The following CYP20A1 variants were observed in gnomAD, a reference collection of about 807,000 sequenced individuals.
The protein encoded by CYP20A1 is cytochrome P450 20A1.
Under a neutral mutation model 61.4 loss-of-function variants are expected in CYP20A1, and 61 were observed. That is an observed-to-expected ratio of 0.99 (90% CI 0.81 to 1.23). CYP20A1 has a LOEUF of 1.23. CYP20A1 is among the 50% of genes most tolerant of loss of function. The pLI is 0.00. For missense variants in CYP20A1, 530 were observed against 542.4 expected (o/e 0.98, Z 0.23); for synonymous variants, 193 against 188.2 (o/e 1.03, Z -0.21).
intron 7 of CYP20A1, 88 bp from the exon 8 acceptor site, chr2:203,279,971 T>C: frequency 1.2e-6 from 1 of 818,560 alleles, no homozygotes; most frequent in Admixed American, 3.2e-5. Context: ...TCATTGACAC[T>C]AATTTTATGC....
rs1345520598 is a variant in CYP20A1, at chr2:203,301,030, C to G, written c.*4122C>G. On this transcript the variant is annotated 3_prime_UTR_variant, in exon 13 of 13. Transcript: ENST00000356079. The stretch of plus-strand genomic sequence containing the variant: ...TGACCAACATGGAGAAACTTCATCT[C>G]TACTAAAAATACAAAATTAGCCGGG... Among the ~76,000 whole-genome samples, 1 of 151,728 alleles carries G rather than the reference C, an allele frequency of 6.6e-6. No homozygotes were observed. Among genetic ancestry groups the G allele is most frequent in the Non-Finnish European group, 1.5e-5 (1 of 67,942 alleles).
intron 1 of CYP20A1, among the ~76,000 whole-genome samples, chr2:203,240,832 T>G (rs929668812): frequency 2.0e-5 from 3 of 152,156 alleles, no homozygotes; most frequent in African/African-American, 7.2e-5. Flanking sequence ...TTAATGGACT[T>G]TTGCTGTGTG....
Position 203,266,626 on chromosome 2 carries a change from G to A in CYP20A1, c.545G>A (p.Gly182Asp). 1 of 1,613,942 alleles carries A rather than the reference G, an allele frequency of 6.2e-7. No homozygotes were observed. Among genetic ancestry groups the A allele is most frequent in the Non-Finnish European group, 8.5e-7 (1 of 1,179,880 alleles). The change falls in exon 5 of 13, where the codon GGT (glycine) becomes GAT (aspartate). Residue 182 changes from glycine to aspartate, a missense_variant. Coordinates refer to ENST00000356079, the MANE Select transcript of CYP20A1 (RefSeq NM_177538.3). Reference sequence around the variant, plus strand: ...AAGTCTGTTACACAGATGGTAATGGGTAGTACATTTGAAGATGATCAGGAA... The same window carrying A: ...AAGTCTGTTACACAGATGGTAATGGATAGTACATTTGAAGATGATCAGGAA... ...AMKSVTQMVM[G>D]STFEDDQEVI... is the part of the protein sequence containing the mutation.
intron 11 of CYP20A1, among the ~76,000 whole-genome samples, chr2:203,293,709 ACCG>A (rs2152112521): frequency 6.6e-6 from 1 of 151,766 alleles, no homozygotes; most frequent in African/African-American, 2.4e-5. Flanking sequence ...TCATCGCCCC[ACCG>A]TTTCCCCCAA....
chr2:203,275,832 T>G (rs775997199), intron 6 of CYP20A1, among the ~76,000 whole-genome samples: 2 of 152,018 alleles, frequency 1.3e-5, no homozygotes, highest in Non-Finnish European at 2.9e-5. Flanking sequence ...ATGTTTTAGA[T>G]GCTGAGGAAC....
intron 5 of CYP20A1, 99 bp from the exon 6 acceptor site, chr2:203,272,571 A>AAG: frequency 2.0e-6 from 1 of 500,144 alleles, no homozygotes; most frequent in Non-Finnish European, 3.2e-6. Context: ...AAAAAAAAAA[A>AAG]GAGTTAAAGA....
At chr2:203,283,842 C>T (rs890822722) in intron 8 of CYP20A1, among the ~76,000 whole-genome samples, 8 of 151,948 alleles carry the variant, frequency 5.3e-5, no homozygotes, top group Admixed American at 2.6e-4. Flanking sequence ...CCACTGCATC[C>T]GGCCTGTTAT....
rs201115470 is a variant in CYP20A1 at position 203,247,447 on chromosome 2, T to TA, written c.289+530dup. ...TTCCTTAATTTATAAGCATATATGA[T>TA]AAAATCTCAGTGTAAATTCCAACAG... On this transcript the variant is annotated intron_variant, in intron 3 of 12. Transcript: ENST00000356079. 1.2e-4 allele frequency among the ~76,000 whole-genome samples: 18 copies of TA among 152,296 alleles called. No homozygotes were observed. In the East Asian group the frequency reaches 3.5e-3, roughly 29 times the overall value.
intron 4 of CYP20A1, among the ~76,000 whole-genome samples, chr2:203,264,512 C>A (rs1327704636): frequency 1.3e-5 from 2 of 151,924 alleles, no homozygotes; most frequent in African/African-American, 4.8e-5. Flanking sequence ...TTACTTTCAA[C>A]CTCTCTGTCA....
intron 7 of CYP20A1, among the ~76,000 whole-genome samples, chr2:203,279,686 G>A (rs2067966345): frequency 6.6e-6 from 1 of 152,156 alleles, no homozygotes; most frequent in South Asian, 2.1e-4. Context: ...CTTCATTGCT[G>A]TTTACTAGGC....
chr2:203,299,029 T>C lies in CYP20A1; in HGVS notation c.*2121T>C, dbSNP rs10932013. On this transcript the variant is annotated 3_prime_UTR_variant, in exon 13 of 13. Transcript: ENST00000356079. ...CAGCCTGGGCGACAGGGCTGAGACCTTGTCTCAAAAAAAAAAGGAGTATCT... is the reference window on the plus strand; with the variant it reads ...CAGCCTGGGCGACAGGGCTGAGACCCTGTCTCAAAAAAAAAAGGAGTATCT... Among the ~76,000 whole-genome samples, 151,481 of 152,128 alleles carry C rather than the reference T, an allele frequency of 1. 75,419 individuals carry two copies. Among genetic ancestry groups the C allele is most frequent in the East Asian group, 1 (5,180 of 5,180 alleles).
In CYP20A1 at chr2:203,272,658, A is replaced by T; in HGVS notation, c.601-12A>T. The T allele has an allele frequency of 6.4e-7, 1 of 1,565,052 alleles. No homozygotes were observed. The highest frequency in any genetic ancestry group is 8.7e-7 in the Non-Finnish European group (1 of 1,148,994). ...TATTAGATAATAGTTATGTATATTT[A>T]CCTATTTTCAGGTTTGGTCTGAGAT... On this transcript the variant is annotated splice_polypyrimidine_tract_variant and intron_variant, in intron 5 of 12. Transcript: ENST00000356079.
chr2:203,288,067 T>C lies in CYP20A1; in HGVS notation c.972-1698T>C, dbSNP rs1235830691. Among the ~76,000 whole-genome samples the C allele has an allele frequency of 2.0e-3, 285 of 140,856 alleles. 2 individuals are homozygous for C. Among genetic ancestry groups the C allele is most frequent in the African/African-American group, 7.4e-3 (275 of 37,384 alleles). 92.4% of individuals were successfully genotyped at this position (140,856 alleles called of 152,430 possible). ...TGTGTTTATTTCTCTCTCTCTTTTT[T>C]TTTTTTTTTTTTTTTTCAGATGCAG... On this transcript the variant is annotated intron_variant, in intron 9 of 12. Transcript: ENST00000356079.
At chr2:203,251,817 A>ATATGTGTATAT (rs34111991) in intron 3 of CYP20A1, 150 bp from the exon 4 acceptor site, 1 of 95,286 alleles carries the variant, frequency 1.0e-5, no homozygotes, top group African/African-American at 3.4e-5. Flanking sequence ...ATATATATAT[A>ATATGTGTATAT]AAAAATAAAA....
At position 203,292,317 on chromosome 2, in the gene CYP20A1, C is replaced by A. The variant is rs759621256; in HGVS notation, c.1139C>A (p.Ser380Tyr). Reference sequence around the variant, plus strand: ...CTTCAGGATCCTAATACTTGGCCATCTCCACACAAGTATGAAATATTTGTC... The same window carrying A: ...CTTCAGGATCCTAATACTTGGCCATATCCACACAAGTATGAAATATTTGTC... ...VVLQDPNTWP[S>Y]PHKFDPDRFD... Residue 380 changes from serine to tyrosine, a missense_variant, in exon 11 of 13, where the codon TCT becomes TAT. Transcript: ENST00000356079. 3.7e-6 allele frequency: 6 copies of A among 1,609,626 alleles called. No individual in the cohort carries two copies. In the South Asian group the frequency reaches 6.6e-5, roughly 18 times the overall value.
At chr2:203,266,753 C>A in intron 5 of CYP20A1, 72 bp downstream of exon 5, 2 of 1,282,692 alleles carry the variant, frequency 1.6e-6, no homozygotes, top group Non-Finnish European at 1.1e-6. Context: ...AATCCCAGCA[C>A]TTTGGGAGGC....
intron 11 of CYP20A1, among the ~76,000 whole-genome samples, chr2:203,293,391 A>G (rs1465054940): frequency 6.7e-6 from 1 of 150,164 alleles, no homozygotes; most frequent in Admixed American, 6.7e-5. Context: ...AATTTTGTGT[A>G]GTTTTAGTAG....
At chr2:203,248,155 G>T (rs2066525450) in intron 3 of CYP20A1, among the ~76,000 whole-genome samples, 2 of 152,066 alleles carry the variant, frequency 1.3e-5, no homozygotes, top group Admixed American at 6.6e-5. Context: ...AGTTCGGGAG[G>T]TTGAGGCTTC....
At chr2:203,260,305 C>T (rs1427447517) in intron 4 of CYP20A1, among the ~76,000 whole-genome samples, 1 of 151,776 alleles carries the variant, frequency 6.6e-6, no homozygotes, top group Non-Finnish European at 1.5e-5. Context: ...TCATCACAAC[C>T]TCCACCTCGC....
Sources: allele counts gnomAD v4.1 joint callset (sites outside exome capture counted in the v4.1 genomes callset), GRCh38; gene constraint gnomAD v4.1.1; transcripts MANE v1.5; gene names NCBI Gene and HGNC (gene_info 2026-07-23, HGNC 2026-07-21).